The following ERCC6 variants were observed in gnomAD, a reference collection of about 807,000 sequenced individuals.
ERCC6 encodes the protein DNA excision repair protein ERCC-6.
ERCC6 carries 116 observed loss-of-function variants against 158.7 expected under a neutral mutation model. The observed-to-expected ratio is 0.73, with a 90% CI of 0.63 to 0.85. The LOEUF is 0.85. Ranked by LOEUF, ERCC6 falls within the 40% of genes least tolerant of loss-of-function variation. The pLI, the probability that ERCC6 is intolerant of heterozygous loss-of-function variation, is 0.00. For synonymous variants in ERCC6, 678 were observed against 659.3 expected, an observed-to-expected ratio of 1.03 and a Z score of -0.43; for missense variants, 1,698 against 1,799.4, an observed-to-expected ratio of 0.94 and a Z score of 1.02.
In ERCC6 at chr10:49,493,100, C is replaced by T. The variant is rs1439364831; in HGVS notation, c.1821+17G>A. 1 of 1,613,412 alleles carries T rather than the reference C, an allele frequency of 6.2e-7. No homozygotes were observed. ...GGCATTAAAACAAAACAAAAAGGTACTGAAATATTGTGTTACCTTTTTGTG... is the reference window on the plus strand; with the variant it reads ...GGCATTAAAACAAAACAAAAAGGTATTGAAATATTGTGTTACCTTTTTGTG... On this transcript the variant is annotated intron_variant, in intron 8 of 20. Transcript: ENST00000355832.
chr10:49,496,666 G>C (rs1443472403), intron 7 of ERCC6, among the ~76,000 whole-genome samples: 1 of 152,046 alleles, frequency 6.6e-6, no homozygotes, highest in Admixed American at 6.6e-5. Context: ...AAATTAGCCG[G>C]GTATGGTGGT....
At chr10:49,482,246 T>A (rs1850992481) in intron 10 of ERCC6, among the ~76,000 whole-genome samples, 1 of 152,130 alleles carries the variant, frequency 6.6e-6, no homozygotes, top group African/African-American at 2.4e-5. Context: ...CCCTGAACAG[T>A]CCAATCCTCC....
intron 4 of ERCC6, chr10:49,525,058 C>T: frequency 3.4e-6 from 2 of 596,724 alleles, no homozygotes; most frequent in Non-Finnish European, 5.3e-6. Context: ...AGGCTTATTA[C>T]TGTATAAATA....
At chr10:49,522,342 A>G (rs1331036838) in intron 5 of ERCC6, among the ~76,000 whole-genome samples, 2 of 152,228 alleles carry the variant, frequency 1.3e-5, no homozygotes, top group Non-Finnish European at 2.9e-5. Context: ...AAACAGCACC[A>G]AAGGAGATGT....
intron 12 of ERCC6, among the ~76,000 whole-genome samples, 179 bp from the exon 13 acceptor site, chr10:49,474,421 G>A (rs966609126): frequency 6.6e-6 from 1 of 152,070 alleles, no homozygotes; most frequent in Admixed American, 6.6e-5. Flanking sequence ...CACTCATCTT[G>A]TTTCCCTGAT....
chr10:49,538,686 G>A (rs1201921160), intron 1 of ERCC6, among the ~76,000 whole-genome samples: 1 of 152,218 alleles, frequency 6.6e-6, no homozygotes, highest in Non-Finnish European at 1.5e-5. Context: ...GACCCTGCGC[G>A]CAGGGGGCCT....
At chr10:49,506,365 A>T (rs1374111083) in intron 5 of ERCC6, 1 of 286,326 alleles carries the variant, frequency 3.5e-6, no homozygotes, top group African/African-American at 2.2e-5. Context: ...AAAAATTTCA[A>T]TATAATTGAG....
At chr10:49,514,273 G>A (rs1440702383) in intron 5 of ERCC6, among the ~76,000 whole-genome samples, 1 of 152,120 alleles carries the variant, frequency 6.6e-6, no homozygotes, top group Admixed American at 6.6e-5. Context: ...ACTTTTCCAA[G>A]TAACAGTAAA....
chr10:49,500,088 G>C (rs1446507886), intron 7 of ERCC6, among the ~76,000 whole-genome samples: 36 of 152,108 alleles, frequency 2.4e-4, no homozygotes, highest in Non-Finnish European at 1.2e-4. Flanking sequence ...CCCATGAATA[G>C]ACTTTGTACT....
intron 5 of ERCC6, chr10:49,517,149 C>A: frequency 6.4e-7 from 1 of 1,550,580 alleles, no homozygotes; most frequent in South Asian, 1.2e-5. Flanking sequence ...TATTATTAGT[C>A]CTAGTGGTAG....
At chr10:49,473,072 A>C in intron 14 of ERCC6, 44 bp from the exon 15 acceptor site, 1 of 1,613,632 alleles carries the variant, frequency 6.2e-7, no homozygotes, top group Non-Finnish European at 8.5e-7. Context: ...ACTTAAGACC[A>C]GTTACAGTTC....
intron 1 of ERCC6, among the ~76,000 whole-genome samples, chr10:49,537,212 C>T (rs1176288017): frequency 4.6e-5 from 7 of 151,856 alleles, no homozygotes; most frequent in African/African-American, 9.7e-5. Flanking sequence ...GGCATGGAGG[C>T]GCGCGCCTGT....
chr10:49,472,680 T>C (rs761173103), intron 15 of ERCC6: 8 of 735,150 alleles, frequency 1.1e-5, no homozygotes, highest in Admixed American at 2.5e-5. Flanking sequence ...ACTTTGCCTA[T>C]GTTCTTTTTA....
intron 5 of ERCC6, among the ~76,000 whole-genome samples, chr10:49,508,377 G>C (rs566918269): frequency 6.6e-6 from 1 of 152,102 alleles, no homozygotes; most frequent in South Asian, 2.1e-4. Flanking sequence ...ACTCTGCATC[G>C]ACAAGATTCA....
At position 49,524,677 on chromosome 10, in the gene ERCC6, C is replaced by T. The variant is rs1333638870; in HGVS notation, c.753G>A (p.Gln251=). 4.3e-6 allele frequency: 7 copies of T among 1,613,268 alleles called. No individual in the cohort carries two copies. Among genetic ancestry groups the T allele is most frequent in the Non-Finnish European group, 5.9e-6 (7 of 1,180,044 alleles). Residue 251 remains glutamine (Q), a synonymous_variant, in exon 5 of 21, where the codon CAG becomes CAA. Coordinates refer to ENST00000355832, the MANE Select transcript of ERCC6 (RefSeq NM_000124.4). ...RTGQMTPFGT[Q]IPQKQEKKPR... ...GCTTTTTCTCCTGTTTCTGAGGGAT[C>T]TGGGTACCAAAAGGTGTCATCTGGC... is the stretch of plus-strand genomic sequence containing the variant.
chr10:49,526,567 T>C (rs1463800106), intron 4 of ERCC6, among the ~76,000 whole-genome samples: 1 of 152,174 alleles, frequency 6.6e-6, no homozygotes, highest in Non-Finnish European at 1.5e-5. Flanking sequence ...GTTCTTGGTT[T>C]TATATATAGT....
intron 18 of ERCC6, among the ~76,000 whole-genome samples, chr10:49,469,412 A>C (rs1163304594): frequency 6.6e-6 from 1 of 152,206 alleles, no homozygotes; most frequent in East Asian, 1.9e-4. Context: ...GTGTGTGTGA[A>C]TGATAAAGCA....
chr10:49,447,496 G>A, the ERCC6 span, among the ~76,000 whole-genome samples: 1 of 152,082 alleles, frequency 6.6e-6, no homozygotes, highest in African/African-American at 2.4e-5. Flanking sequence ...GACCATCCTG[G>A]TTAATATGGT....
At position 49,470,862 on chromosome 10, in the gene ERCC6, T is replaced by C. The variant is rs772094804; in HGVS notation, c.3098A>G (p.Lys1033Arg). The C allele has an allele frequency of 4.3e-6, 7 of 1,613,972 alleles. No homozygotes were observed. Among genetic ancestry groups the C allele is most frequent in the South Asian group, 2.2e-5 (2 of 91,078 alleles). Residue 1033 changes from lysine (K) to arginine (R), a missense_variant, in exon 18 of 21, where the codon AAA becomes AGA. Physicochemically the swap from Lys to Arg is conservative, Grantham distance 26. Coordinates refer to ENST00000355832, the MANE Select transcript of ERCC6 (RefSeq NM_000124.4). ...TTGAATCCTTCTTTTTAGATGGCAT[T>C]TGGGTGTCTGAACATCTGATCCAGT... ...AGTGSDVQTP[K>R]CHLKRRIQPA...
Sources: gnomAD v4.1 joint callset for allele counts (sites outside exome capture counted in the v4.1 genomes callset) on GRCh38, gnomAD v4.1.1 for gene constraint, MANE v1.5 for transcripts, NCBI Gene and HGNC (gene_info 2026-07-23, HGNC 2026-07-21) for gene names.